The following DTNBP1 variants were observed in gnomAD, a reference collection of about 807,000 sequenced individuals.
DTNBP1 encodes dysbindin.
A neutral mutation model predicts 42.8 loss-of-function variants in DTNBP1; 35 were observed. The ratio of observed to expected loss-of-function variants is 0.82; its 90% CI spans 0.63 to 1.09. DTNBP1 has a LOEUF of 1.09. Among genes scored for constraint, DTNBP1 ranks in the 50% least tolerant of loss-of-function variants. The probability of loss-of-function intolerance (pLI) is 0.00; values close to 1 mark genes in which losing one functional copy is unlikely to be tolerated. For missense variants in DTNBP1, 457 were observed against 424.2 expected, an observed-to-expected ratio of 1.08 and a Z score of -0.68; for synonymous variants, 171 against 162.2, an observed-to-expected ratio of 1.05 and a Z score of -0.41.
intron 8 of DTNBP1, among the ~76,000 whole-genome samples, chr6:15,527,975 T>C (rs76224654): frequency 0.017 from 2,644 of 152,236 alleles, 28 homozygotes; most frequent in Non-Finnish European, 0.025. Flanking sequence ...GGTAACAGCA[T>C]TGGAGGCAAG....
intron 7 of DTNBP1, among the ~76,000 whole-genome samples, chr6:15,578,214 G>A (rs970713401): frequency 6.6e-6 from 1 of 152,224 alleles, no homozygotes; most frequent in Admixed American, 6.5e-5. Context: ...CTGGGAGGAG[G>A]GGGTGTTAGT....
intron 6 of DTNBP1, among the ~76,000 whole-genome samples, chr6:15,604,974 T>A (rs1336946241): frequency 6.6e-6 from 1 of 152,206 alleles, no homozygotes; most frequent in African/African-American, 2.4e-5. Flanking sequence ...GGAGTCAGTA[T>A]GCCCCTAAGC....
Position 15,615,070 on chromosome 6 carries a change from C to T in DTNBP1, c.488+197G>A, listed in dbSNP as rs143014377. 2.0e-3 allele frequency: 1,574 copies of T among 792,826 alleles called. 23 individuals are homozygous for T. In the Admixed American group the frequency reaches 0.023, roughly 11 times the overall value. The allele number at this position is 792,826 out of a possible 1,614,324, so 49.1% of individuals were successfully genotyped here. A position where few individuals can be genotyped will look rare whatever the true frequency, so the allele number is the denominator to read the frequency against. On this transcript the variant is annotated intron_variant, in intron 6 of 9. Coordinates refer to ENST00000344537, the MANE Select transcript of DTNBP1 (RefSeq NM_032122.5). Reference sequence around the variant, plus strand: ...ATTTGGGATTCATGTTTTACCTTCTCCTGAGTTTTTTATAACTCATCTCCA... The same window carrying T: ...ATTTGGGATTCATGTTTTACCTTCTTCTGAGTTTTTTATAACTCATCTCCA...
intron 8 of DTNBP1, among the ~76,000 whole-genome samples, chr6:15,529,673 C>G (rs1386805822): frequency 6.6e-6 from 1 of 152,238 alleles, no homozygotes; most frequent in Non-Finnish European, 1.5e-5. Context: ...TATGGGAACA[C>G]AGAGCCAGAA....
rs934555562 is a variant in DTNBP1 at position 15,566,888 on chromosome 6, C to T, written c.511+26171G>A. ...GCTAACTTTTGTACAGACGGGGTTT[C>T]GCCAGTTGGCCAGGCTGGTGTTGAA... On this transcript the variant is annotated intron_variant, in intron 7 of 9. Coordinates refer to ENST00000344537, the MANE Select transcript of DTNBP1 (RefSeq NM_032122.5). Among the ~76,000 whole-genome samples the T allele has an allele frequency of 5.3e-5, 8 of 151,948 alleles. No individual in the cohort carries two copies. In the East Asian group the frequency reaches 5.8e-4, roughly 11 times the overall value.
chr6:15,644,398 T>G (rs1760556760), intron 3 of DTNBP1, among the ~76,000 whole-genome samples: 3 of 151,586 alleles, frequency 2.0e-5, no homozygotes, highest in African/African-American at 7.3e-5. Context: ...CTAACAAAGG[T>G]TTGGACATAA....
chr6:15,552,151 C>T (rs1022912845), intron 7 of DTNBP1, among the ~76,000 whole-genome samples: 27 of 152,166 alleles, frequency 1.8e-4, no homozygotes, highest in African/African-American at 6.3e-4. Flanking sequence ...TCCAAAAACA[C>T]CTGCACTTAA....
At chr6:15,527,412 A>G (rs1772483700) in intron 8 of DTNBP1, among the ~76,000 whole-genome samples, 1 of 152,208 alleles carries the variant, frequency 6.6e-6, no homozygotes, top group Non-Finnish European at 1.5e-5. Flanking sequence ...CACACATCTA[A>G]TTATTTTTAA....
intron 5 of DTNBP1, among the ~76,000 whole-genome samples, chr6:15,625,628 C>T (rs1453036934): frequency 6.6e-6 from 1 of 152,132 alleles, no homozygotes; most frequent in Non-Finnish European, 1.5e-5. Context: ...ATTTTCTAAA[C>T]AGAATTGACT....
intron 1 of DTNBP1, among the ~76,000 whole-genome samples, chr6:15,652,668 C>T (rs2619525): frequency 0.26 from 38,786 of 151,936 alleles, 5,702 homozygotes; most frequent in African/African-American, 0.4. Flanking sequence ...CACTCTGTTG[C>T]CCAGGCTAGA....
intron 6 of DTNBP1, among the ~76,000 whole-genome samples, chr6:15,614,325 A>G (rs529546048): frequency 2.0e-5 from 3 of 151,626 alleles, no homozygotes; most frequent in Non-Finnish European, 4.4e-5. Flanking sequence ...TAGATCCAGA[A>G]CAGCTCCACT....
chr6:15,537,309 G>C (rs1198112969), intron 7 of DTNBP1, among the ~76,000 whole-genome samples: 1 of 152,018 alleles, frequency 6.6e-6, no homozygotes, highest in African/African-American at 2.4e-5. Context: ...TGTAATCCCA[G>C]CTACTTGGGA....
chr6:15,561,666 T>C (rs752066766), intron 7 of DTNBP1, among the ~76,000 whole-genome samples: 7 of 152,226 alleles, frequency 4.6e-5, no homozygotes, highest in Non-Finnish European at 1.0e-4. Flanking sequence ...CAGAGGTATT[T>C]GAACCACAGC....
chr6:15,644,194 AAAG>A (rs926413525), intron 3 of DTNBP1, among the ~76,000 whole-genome samples: 4 of 151,900 alleles, frequency 2.6e-5, no homozygotes, highest in African/African-American at 9.7e-5. Flanking sequence ...AAAAAAAGAC[AAAG>A]AAGGGTACAA....
chr6:15,579,468 T>C (rs1352685429), intron 7 of DTNBP1, among the ~76,000 whole-genome samples: 6 of 152,186 alleles, frequency 3.9e-5, no homozygotes, highest in African/African-American at 9.7e-5. Context: ...TATAGCACTG[T>C]AGGGTGACTA....
intron 3 of DTNBP1, among the ~76,000 whole-genome samples, chr6:15,645,748 C>A (rs563351130): frequency 3.3e-5 from 5 of 151,856 alleles, no homozygotes; most frequent in African/African-American, 1.2e-4. Context: ...CCCTTCATAA[C>A]GAAAATCCTC....
At position 15,587,765 on chromosome 6, in the gene DTNBP1, A is replaced by C. The variant is rs1390576081; in HGVS notation, c.511+5294T>G. On this transcript the variant is annotated intron_variant, in intron 7 of 9. Coordinates refer to ENST00000344537, the MANE Select transcript of DTNBP1 (RefSeq NM_032122.5). This position sits in a 1 kb window ranked among gnomAD's most constrained non-coding sequence, Gnocchi z 4.1. The stretch of plus-strand genomic sequence containing the variant: ...CTGAATATCGATACGTAAAAAAATG[A>C]AGGTAGACTTTTAACTCACACGAAC... Among the ~76,000 whole-genome samples, 1 of 152,238 alleles carries C rather than the reference A, an allele frequency of 6.6e-6. No individual in the cohort carries two copies. The highest frequency in any genetic ancestry group is 1.9e-4 in the East Asian group (1 of 5,196).
intron 3 of DTNBP1, among the ~76,000 whole-genome samples, chr6:15,639,665 T>C (rs1760225151): frequency 6.6e-6 from 1 of 152,224 alleles, no homozygotes; most frequent in Non-Finnish European, 1.5e-5. Context: ...TCAACAAGTA[T>C]TTACTAAATG....
rs534845932 is a variant in DTNBP1, at chr6:15,549,382, G to A, written c.512-15987C>T. Among the ~76,000 whole-genome samples the A allele has an allele frequency of 2.7e-3, 409 of 151,920 alleles. 2 individuals carry two copies. Among genetic ancestry groups the A allele is most frequent in the Middle Eastern group, 6.8e-3 (2 of 294 alleles). On this transcript the variant is annotated intron_variant, in intron 7 of 9. Coordinates refer to ENST00000344537, the MANE Select transcript of DTNBP1 (RefSeq NM_032122.5). The stretch of plus-strand genomic sequence containing the variant: ...TGCCTGTAATCCCAGCTAGTCGGGA[G>A]GCCGAGACAGGTGAGTCGCTTGAAC...
Sources: gnomAD v4.1 joint callset for allele counts (sites outside exome capture counted in the v4.1 genomes callset) on GRCh38, gnomAD v4.1.1 for gene constraint, Gnocchi (gnomAD v3.1) non-coding constraint, MANE v1.5 for transcripts, NCBI Gene and HGNC (gene_info 2026-07-23, HGNC 2026-07-21) for gene names.